Variants in SOD1 observed in about 807,000 individuals in gnomAD.
SOD1 encodes superoxide dismutase [Cu-Zn].
Under a neutral mutation model 15.9 loss-of-function variants are expected in SOD1, and 8 were observed. The observed-to-expected ratio is 0.50, with a 90% CI of 0.30 to 0.91. The LOEUF (loss-of-function observed/expected upper bound fraction) is 0.91. Ranked by LOEUF, SOD1 falls within the 40% of genes least tolerant of loss-of-function variation. The probability of loss-of-function intolerance (pLI) is 0.07; values close to 1 mark genes in which losing one functional copy is unlikely to be tolerated. For synonymous variants in SOD1, 86 were observed against 71.2 expected, an observed-to-expected ratio of 1.21 and a Z score of -1.04; for missense variants, 137 against 194.5, an observed-to-expected ratio of 0.70 and a Z score of 1.76.
intron 1 of SOD1, among the ~76,000 whole-genome samples, chr21:31,662,780 C>T (rs1263304968): frequency 6.6e-6 from 1 of 152,048 alleles, no homozygotes; most frequent in Non-Finnish European, 1.5e-5. Context: ...TTTGGGAGGC[C>T]GAGACGGGTG....
intron 1 of SOD1, 127 bp downstream of exon 1, chr21:31,659,968 C>G: frequency 1.2e-6 from 1 of 851,854 alleles, no homozygotes; most frequent in Non-Finnish European, 1.8e-6. Context: ...CGGTCCCGGC[C>G]CGTGCCGCCC....
In SOD1 at chr21:31,668,815, T is replaced by A; in HGVS notation, c.*237T>A. ...TTCAATGACCTGTATTTTGCCAGACTTAAATCACAGATGGGTATTAAACTT... is the reference window on the plus strand; with the variant it reads ...TTCAATGACCTGTATTTTGCCAGACATAAATCACAGATGGGTATTAAACTT... On this transcript the variant is annotated 3_prime_UTR_variant, in exon 5 of 5. Coordinates refer to ENST00000270142, the MANE Select transcript of SOD1 (RefSeq NM_000454.5). The A allele has an allele frequency of 2.0e-6, 1 of 496,484 alleles. No individual in the cohort carries two copies. Among genetic ancestry groups the A allele is most frequent in the South Asian group, 2.1e-5 (1 of 46,894 alleles). The allele number at this position is 496,484 out of a possible 1,614,324, so 30.8% of individuals were successfully genotyped here.
Position 31,659,805 on chromosome 21 carries a change from C to T in SOD1, c.36C>T (p.Asp12=), listed in dbSNP as rs2123428025. 6.2e-7 allele frequency: 1 copy of T among 1,613,836 alleles called. No individual in the cohort carries two copies. The highest frequency in any genetic ancestry group is 1.6e-4 in the Middle Eastern group (1 of 6,062). ...AGGCCGTGTGCGTGCTGAAGGGCGA[C>T]GGCCCAGTGCAGGGCATCATCAATT... ...ATKAVCVLKG[D]GPVQGIINFE... is the part of the protein sequence containing the mutation. The change falls in exon 1 of 5, where the codon GAC becomes GAT. Residue 12 remains aspartate, a synonymous_variant. Coordinates refer to ENST00000270142, the MANE Select transcript of SOD1 (RefSeq NM_000454.5).
At chr21:31,666,390 G>C in intron 2 of SOD1, 59 bp from the exon 3 acceptor site, 1 of 1,310,822 alleles carries the variant, frequency 7.6e-7, no homozygotes, top group Non-Finnish European at 1.1e-6. Context: ...TTTCTTTTTA[G>C]AATGTATTTG....
chr21:31,660,999 A>G (rs1568808098), intron 1 of SOD1, among the ~76,000 whole-genome samples: 1 of 152,258 alleles, frequency 6.6e-6, no homozygotes, highest in Non-Finnish European at 1.5e-5. Flanking sequence ...CAGAACTTTT[A>G]TCAGTAAAAT....
At chr21:31,661,986 TGAA>T (rs1477998978) in intron 1 of SOD1, among the ~76,000 whole-genome samples, 1 of 152,228 alleles carries the variant, frequency 6.6e-6, no homozygotes, top group African/African-American at 2.4e-5. Context: ...TAGCTTCTCT[TGAA>T]GAATTTTTGG....
intron 1 of SOD1, 58 bp from the exon 2 acceptor site, chr21:31,663,732 G>A: frequency 7.5e-7 from 1 of 1,336,920 alleles, no homozygotes; most frequent in East Asian, 2.3e-5. Context: ...AGGGGTAAAG[G>A]TAAATCAGCT....
In SOD1 at chr21:31,666,441, A is replaced by G. The variant is rs1406395550; in HGVS notation, c.170-8A>G. On this transcript the variant is annotated splice_region_variant and splice_polypyrimidine_tract_variant and intron_variant, in intron 2 of 4. Transcript: ENST00000270142. The stretch of plus-strand genomic sequence containing the variant: ...AATTTAGCTTTTTTTTCTTCTTCTT[A>G]TAAATAGGCTGTACCAGTGCAGGTC... The G allele has an allele frequency of 1.2e-6, 2 of 1,604,292 alleles. No homozygotes were observed. The highest frequency in any genetic ancestry group is 2.2e-5 in the South Asian group (2 of 90,634).
In SOD1 at chr21:31,659,700, A is replaced by G. The variant is rs2049528742; in HGVS notation, c.-70A>G. 3 of 1,507,602 alleles carry G rather than the reference A, an allele frequency of 2.0e-6. No individual in the cohort carries two copies. The highest frequency in any genetic ancestry group is 2.7e-5 in the African/African-American group (2 of 72,856). The allele number at this position is 1,507,602 out of a possible 1,614,324, so 93.4% of individuals were successfully genotyped here. A position where few individuals can be genotyped will look rare whatever the true frequency, so the allele number is the denominator to read the frequency against. The stretch of plus-strand genomic sequence containing the variant: ...GAGACGGGGTGCTGGTTTGCGTCGT[A>G]GTCTCCTGCAGCGTCTGGGGTTTCC... On this transcript the variant is annotated 5_prime_UTR_variant, in exon 1 of 5. Transcript: ENST00000270142.
intron 1 of SOD1, chr21:31,660,258 C>G (rs1379652976): frequency 6.6e-6 from 1 of 152,448 alleles, no homozygotes; most frequent in East Asian, 1.9e-4. Flanking sequence ...CACCGAGTGG[C>G]GCAGTGCCAG....
chr21:31,662,618 A>AG (rs1167728206), intron 1 of SOD1, among the ~76,000 whole-genome samples: 1 of 152,208 alleles, frequency 6.6e-6, no homozygotes, highest in Admixed American at 6.5e-5. Flanking sequence ...CCTAGGTTTC[A>AG]GTGCTTGAAA....
At chr21:31,663,643 C>T (rs2049567866) in intron 1 of SOD1, 147 bp from the exon 2 acceptor site, 2 of 640,878 alleles carry the variant, frequency 3.1e-6, no homozygotes, top group Non-Finnish European at 5.8e-6. Flanking sequence ...TGGAGGTTCA[C>T]TGGCTAGAAA....
chr21:31,668,233 G>T (rs1601159275), intron 4 of SOD1, among the ~76,000 whole-genome samples: 1 of 152,220 alleles, frequency 6.6e-6, no homozygotes, highest in East Asian at 1.9e-4. Flanking sequence ...TTGGGTTTTA[G>T]TATTTCATTT....
At chr21:31,664,705 G>A (rs947372854) in intron 2 of SOD1, among the ~76,000 whole-genome samples, 3 of 151,974 alleles carry the variant, frequency 2.0e-5, no homozygotes, top group East Asian at 1.9e-4. Context: ...TGCAAGCTCC[G>A]CCTCCCGGGT....
chr21:31,664,653 C>T (rs1291459784), intron 2 of SOD1, among the ~76,000 whole-genome samples: 3 of 152,000 alleles, frequency 2.0e-5, no homozygotes, highest in Admixed American at 2.0e-4. Flanking sequence ...GAGTCTTACT[C>T]TGTGGCCCAG....
In SOD1 at chr21:31,668,894, A is replaced by AT; in HGVS notation, c.*318dup. The AT allele has an allele frequency of 3.2e-6, 1 of 315,844 alleles. No individual in the cohort carries two copies. 19.6% of individuals were successfully genotyped at this position (315,844 alleles called of 1,614,324 possible). On this transcript the variant is annotated 3_prime_UTR_variant, in exon 5 of 5. Transcript: ENST00000270142. ...TGAATAAAAACCCTGTATGGCACTT[A>AT]TTATGAGGCTATTAAAAGAATCCAA...
chr21:31,661,350 A>G (rs2049546879), intron 1 of SOD1, among the ~76,000 whole-genome samples: 2 of 151,996 alleles, frequency 1.3e-5, no homozygotes, highest in South Asian at 4.1e-4. Flanking sequence ...ACTTCTCCCC[A>G]CATAATTCAC....
chr21:31,659,805 C>A lies in SOD1; in HGVS notation c.36C>A (p.Asp12Glu). The change falls in exon 1 of 5, where the codon GAC becomes GAA. Residue 12 changes from aspartate (D) to glutamate (E), a missense_variant. Coordinates refer to ENST00000270142, the MANE Select transcript of SOD1 (RefSeq NM_000454.5). The stretch of plus-strand genomic sequence containing the variant: ...AGGCCGTGTGCGTGCTGAAGGGCGA[C>A]GGCCCAGTGCAGGGCATCATCAATT... ...ATKAVCVLKG[D>E]GPVQGIINFE... 2 of 1,613,836 alleles carry A rather than the reference C, an allele frequency of 1.2e-6. No individual in the cohort carries two copies. Among genetic ancestry groups the A allele is most frequent in the Non-Finnish European group, 1.7e-6 (2 of 1,179,884 alleles).
intron 3 of SOD1, chr21:31,667,033 C>G: frequency 1.7e-6 from 1 of 587,136 alleles, no homozygotes; most frequent in Non-Finnish European, 3.1e-6. Flanking sequence ...AACTCAGTAA[C>G]TGAGAGTTTA....
Sources: gnomAD v4.1 joint callset for allele counts (sites outside exome capture counted in the v4.1 genomes callset) on GRCh38, gnomAD v4.1.1 for gene constraint, MANE v1.5 for transcripts, NCBI Gene and HGNC (gene_info 2026-07-23, HGNC 2026-07-21) for gene names.